The following NDST4 variants were observed in gnomAD, a reference collection of about 807,000 sequenced individuals.
The protein encoded by NDST4 is N-deacetylase and N-sulfotransferase 4.
In NDST4, 63 loss-of-function variants were observed where a neutral mutation model predicts 100.8. The ratio of observed to expected loss-of-function variants is 0.62; its 90% CI spans 0.51 to 0.77. The LOEUF (loss-of-function observed/expected upper bound fraction) is 0.77, where lower values mean the gene tolerates loss of function less well. Among genes scored for constraint, NDST4 ranks in the 30% least tolerant of loss-of-function variants. The probability of loss-of-function intolerance (pLI) is 0.00; values close to 1 mark genes in which losing one functional copy is unlikely to be tolerated. For missense variants in NDST4, 943 were observed against 1,018.4 expected, an observed-to-expected ratio of 0.93 and a Z score of 1.01; for synonymous variants, 377 against 361.8, an observed-to-expected ratio of 1.04 and a Z score of -0.48.
At chr4:115,035,322 T>C (rs1232302252) in intron 2 of NDST4, among the ~76,000 whole-genome samples, 2 of 152,072 alleles carry the variant, frequency 1.3e-5, no homozygotes, top group Non-Finnish European at 2.9e-5. Flanking sequence ...TCAGATAGAA[T>C]TTCATTATGT....
At chr4:115,067,901 AC>A (rs1232249636) in intron 2 of NDST4, among the ~76,000 whole-genome samples, 2 of 63,822 alleles carry the variant, frequency 3.1e-5, no homozygotes. Flanking sequence ...CCCTCCCCCC[AC>A]CCCACGACAG....
At chr4:115,025,236 C>T (rs1727958120) in intron 2 of NDST4, among the ~76,000 whole-genome samples, 1 of 151,736 alleles carries the variant, frequency 6.6e-6, no homozygotes, top group Non-Finnish European at 1.5e-5. Flanking sequence ...ACAGCCTCAA[C>T]AGCCTAGAAC....
intron 1 of NDST4, among the ~76,000 whole-genome samples, chr4:115,087,498 T>G (rs186052716): frequency 6.6e-6 from 1 of 151,502 alleles, no homozygotes; most frequent in Non-Finnish European, 1.5e-5. Context: ...TTCTCTAGAA[T>G]TTTTTTCTTT....
At chr4:114,849,551 TC>T (rs1723627545) in intron 8 of NDST4, among the ~76,000 whole-genome samples, 1 of 152,148 alleles carries the variant, frequency 6.6e-6, no homozygotes, top group South Asian at 2.1e-4. Context: ...TTTTAGATCC[TC>T]CCAGCTTTAC....
At chr4:115,036,907 A>G (rs1386931015) in intron 2 of NDST4, among the ~76,000 whole-genome samples, 2 of 152,096 alleles carry the variant, frequency 1.3e-5, no homozygotes, top group Non-Finnish European at 2.9e-5. Context: ...TTATCTGCAA[A>G]TAAAATGGGT....
At chr4:115,075,950 T>C (rs1578503129) in intron 2 of NDST4, 109 bp downstream of exon 2, 6 of 1,317,830 alleles carry the variant, frequency 4.6e-6, no homozygotes, top group Non-Finnish European at 6.1e-6. Flanking sequence ...TTATTTCAAC[T>C]CTACTGCACC....
intron 3 of NDST4, among the ~76,000 whole-genome samples, chr4:114,976,287 C>T (rs943056240): frequency 6.6e-6 from 1 of 151,990 alleles, no homozygotes; most frequent in Non-Finnish European, 1.5e-5. Context: ...GAAACAACAA[C>T]AGTGCAAACT....
rs559295278 is a variant in NDST4 at position 115,021,501 on chromosome 4, G to A, written c.979-44227C>T. ...ATATACACATTCCATATATACACAC[G>A]TTCCACATATACACATTCCATATAT... On this transcript the variant is annotated intron_variant, in intron 2 of 13. Coordinates refer to ENST00000264363, the MANE Select transcript of NDST4 (RefSeq NM_022569.3). 7.7e-4 allele frequency among the ~76,000 whole-genome samples: 106 copies of A among 137,642 alleles called. 5 individuals are homozygous for A. Among genetic ancestry groups the A allele is most frequent in the Middle Eastern group, 8.4e-3 (2 of 238 alleles). 90.3% of individuals were successfully genotyped at this position (137,642 alleles called of 152,430 possible).
intron 7 of NDST4, among the ~76,000 whole-genome samples, chr4:114,859,294 G>T (rs57593545): frequency 0.027 from 4,038 of 152,248 alleles, 188 homozygotes; most frequent in South Asian, 0.18. Flanking sequence ...CTAGACAAAG[G>T]TGGGGGAAAT....
intron 6 of NDST4, among the ~76,000 whole-genome samples, chr4:114,887,296 A>G (rs569376506): frequency 1.3e-5 from 2 of 152,340 alleles, no homozygotes; most frequent in South Asian, 4.1e-4. Context: ...TCAGAAAGAA[A>G]ACATGATTTT....
intron 6 of NDST4, among the ~76,000 whole-genome samples, chr4:114,910,976 C>G (rs937344379): frequency 1.3e-5 from 2 of 152,146 alleles, no homozygotes; most frequent in East Asian, 1.9e-4. Context: ...TTTGCAATAG[C>G]CTCCTAATTG....
chr4:115,040,551 C>G (rs573394092), intron 2 of NDST4, among the ~76,000 whole-genome samples: 1 of 151,672 alleles, frequency 6.6e-6, no homozygotes, highest in Admixed American at 6.6e-5. Flanking sequence ...AAATGAAACA[C>G]TGTGTCTTCC....
chr4:114,848,368 T>C (rs749625090), intron 8 of NDST4, 30 bp from the exon 9 acceptor site: 3 of 1,492,786 alleles, frequency 2.0e-6, no homozygotes, highest in Admixed American at 2.2e-5. Context: ...TAAAAGGTTA[T>C]ATGGCAATAA....
At chr4:115,096,396 T>C (rs764862847) in intron 1 of NDST4, among the ~76,000 whole-genome samples, 1 of 152,066 alleles carries the variant, frequency 6.6e-6, no homozygotes, top group Non-Finnish European at 1.5e-5. Context: ...GATGACTGTT[T>C]CATATTTTTC....
chr4:115,067,443 T>C (rs1191450509), intron 2 of NDST4, among the ~76,000 whole-genome samples: 8 of 152,132 alleles, frequency 5.3e-5, no homozygotes, highest in African/African-American at 1.7e-4. Context: ...GTGTAGCCTC[T>C]CATCTTCTGT....
rs377448723 is a variant in NDST4 at position 114,852,699 on chromosome 4, T to C, written c.1816+26A>G. On this transcript the variant is annotated intron_variant, in intron 8 of 13. Transcript: ENST00000264363. ...TCATAAAATATTTTTAAAAAGGATA[T>C]AAGTAGCACAATTGGCTATTTTTAC... The C allele has an allele frequency of 8.8e-6, 11 of 1,255,186 alleles. No individual in the cohort carries two copies. The African/African-American group carries it at 1.6e-4, about 19-fold the overall frequency. 77.8% of individuals were successfully genotyped at this position (1,255,186 alleles called of 1,614,324 possible).
Position 114,845,078 on chromosome 4 carries a change from C to T in NDST4, c.2115+745G>A, listed in dbSNP as rs559335574. Among the ~76,000 whole-genome samples, 106 of 152,162 alleles carry T rather than the reference C, an allele frequency of 7.0e-4. 1 individual carries two copies. The highest frequency in any genetic ancestry group is 2.9e-3 in the South Asian group (14 of 4,828). ...GGCTTGGTGGCTCATGCTTGTAGTC[C>T]CAAAATTTTGGGAGGCTGAGGTTGG... On this transcript the variant is annotated intron_variant, in intron 10 of 13. Transcript: ENST00000264363.
At chr4:114,929,070 G>GTCCATCCA (rs1264473414) in intron 6 of NDST4, among the ~76,000 whole-genome samples, 17 of 92,832 alleles carry the variant, frequency 1.8e-4, no homozygotes, top group Admixed American at 3.3e-4. Flanking sequence ...CCGTCCGTCC[G>GTCCATCCA]TCCGTCCATC....
At chr4:115,022,263 TAA>T (rs1727852270) in intron 2 of NDST4, among the ~76,000 whole-genome samples, 1 of 151,128 alleles carries the variant, frequency 6.6e-6, no homozygotes, top group South Asian at 2.1e-4. Context: ...TCCATATATA[TAA>T]GTTCCACGTC....
Sources: allele counts gnomAD v4.1 joint callset (sites outside exome capture counted in the v4.1 genomes callset), GRCh38; gene constraint gnomAD v4.1.1; transcripts MANE v1.5; gene names NCBI Gene and HGNC (gene_info 2026-07-23, HGNC 2026-07-21).